Variants in RBM47 observed in about 807,000 individuals in gnomAD.
The protein encoded by RBM47 is RNA-binding protein 47.
In RBM47, 21 loss-of-function variants were observed where a neutral mutation model predicts 47.1. That is an observed-to-expected ratio of 0.45 (90% CI 0.32 to 0.64). The LOEUF is 0.64. Ranked by LOEUF, RBM47 falls within the 30% of genes least tolerant of loss-of-function variation. The pLI is 0.05. For missense variants in RBM47, 708 were observed against 870.9 expected, an observed-to-expected ratio of 0.81 and a Z score of 2.35; for synonymous variants, 375 against 361.7, an observed-to-expected ratio of 1.04 and a Z score of -0.42.
At chr4:40,565,541 G>A (rs1731015379) in intron 1 of RBM47, among the ~76,000 whole-genome samples, 1 of 152,194 alleles carries the variant, frequency 6.6e-6, no homozygotes, top group Non-Finnish European at 1.5e-5. Flanking sequence ...TAGTTTGGCT[G>A]TATGTGTACA....
At chr4:40,557,859 G>A (rs747548435) in intron 1 of RBM47, among the ~76,000 whole-genome samples, 1 of 152,202 alleles carries the variant, frequency 6.6e-6, no homozygotes, top group Non-Finnish European at 1.5e-5. Context: ...TCTGAGTTGT[G>A]AAATTGTTAT....
At position 40,513,358 on chromosome 4, in the gene RBM47, G is replaced by A. The variant is rs541493906; in HGVS notation, c.-155+31064C>T. Among the ~76,000 whole-genome samples the A allele has an allele frequency of 1.6e-4, 25 of 152,250 alleles. No individual in the cohort carries two copies. The East Asian group carries it at 2.3e-3, about 14-fold the overall frequency. On this transcript the variant is annotated intron_variant, in intron 2 of 6. Coordinates refer to ENST00000295971, the MANE Select transcript of RBM47 (RefSeq NM_001098634.2). ...ATCCCACACCCTTGTTATATTGCCC[G>A]TTTTATACTGCAACACTTTTCCCCA...
intron 2 of RBM47, among the ~76,000 whole-genome samples, chr4:40,489,045 T>C (rs1318529576): frequency 6.6e-6 from 1 of 152,192 alleles, no homozygotes; most frequent in Admixed American, 6.5e-5. Context: ...CACAATGCTA[T>C]ATGGACTGCA....
chr4:40,579,894 C>T (rs1431387773), intron 1 of RBM47, among the ~76,000 whole-genome samples: 3 of 151,940 alleles, frequency 2.0e-5, no homozygotes, highest in Non-Finnish European at 4.4e-5. Flanking sequence ...ACCACAGGTG[C>T]ACACTACCAT....
At chr4:40,478,076 C>T (rs531912017) in intron 2 of RBM47, among the ~76,000 whole-genome samples, 18 of 133,460 alleles carry the variant, frequency 1.3e-4, no homozygotes, top group African/African-American at 3.2e-4. Context: ...AGTGCAGTGG[C>T]GCGATCTTGG....
intron 3 of RBM47, among the ~76,000 whole-genome samples, chr4:40,451,470 G>A (rs1020981458): frequency 4.6e-5 from 7 of 152,110 alleles, no homozygotes; most frequent in African/African-American, 1.4e-4. Context: ...TTTAAATTCC[G>A]ACCCCGCTGC....
At chr4:40,590,611 G>A (rs1375462536) in intron 1 of RBM47, among the ~76,000 whole-genome samples, 1 of 152,128 alleles carries the variant, frequency 6.6e-6, no homozygotes, top group Non-Finnish European at 1.5e-5. Flanking sequence ...ATCTTAAAAA[G>A]CAACAGCCCA....
intron 2 of RBM47, among the ~76,000 whole-genome samples, chr4:40,470,584 A>C (rs1451362186): frequency 6.6e-6 from 1 of 152,166 alleles, no homozygotes; most frequent in African/African-American, 2.4e-5. Context: ...AAACACTTGA[A>C]ATTAATACAT....
At chr4:40,593,978 G>A (rs1734522356) in intron 1 of RBM47, among the ~76,000 whole-genome samples, 1 of 152,076 alleles carries the variant, frequency 6.6e-6, no homozygotes, top group African/African-American at 2.4e-5. Flanking sequence ...ATTGAACCCA[G>A]GAGGCAGAGG....
intron 2 of RBM47, among the ~76,000 whole-genome samples, chr4:40,532,669 A>AT (rs373863530): frequency 0.22 from 30,396 of 140,924 alleles, 3,383 homozygotes; most frequent in African/African-American, 0.3. Context: ...ATTTTTTTCC[A>AT]TTTTTTTTTT....
At chr4:40,625,430 G>A (rs1046410556) in intron 1 of RBM47, among the ~76,000 whole-genome samples, 1 of 152,120 alleles carries the variant, frequency 6.6e-6, no homozygotes, top group Non-Finnish European at 1.5e-5. Flanking sequence ...TTAATATGCT[G>A]ACATTTCCTT....
chr4:40,608,845 C>A (rs1361830918), intron 1 of RBM47, among the ~76,000 whole-genome samples: 1 of 152,176 alleles, frequency 6.6e-6, no homozygotes, highest in Non-Finnish European at 1.5e-5. Context: ...AACATGGAAC[C>A]AATGAATGAA....
intron 3 of RBM47, among the ~76,000 whole-genome samples, chr4:40,460,318 C>T (rs953868095): frequency 6.6e-6 from 1 of 151,890 alleles, no homozygotes; most frequent in African/African-American, 2.4e-5. Flanking sequence ...AGGAAATAGG[C>T]ACATAAATGA....
intron 1 of RBM47, among the ~76,000 whole-genome samples, chr4:40,576,929 G>T (rs1732393564): frequency 6.6e-6 from 1 of 152,114 alleles, no homozygotes; most frequent in African/African-American, 2.4e-5. Context: ...CTTTCCCAGG[G>T]TCACAGAGCT....
At position 40,591,244 on chromosome 4, in the gene RBM47, G is replaced by A. The variant is rs537427144; in HGVS notation, c.-240+38152C>T. ...GACAAGGGTCTCCTTGGGGGGTGAT[G>A]AAAATGTGTTGGAAGTAGGTAGAGG... On this transcript the variant is annotated intron_variant, in intron 1 of 6. Transcript: ENST00000295971. Among the ~76,000 whole-genome samples the A allele has an allele frequency of 2.0e-5, 3 of 152,252 alleles. No homozygotes were observed. The South Asian group carries it at 6.2e-4, about 32-fold the overall frequency.
At chr4:40,551,221 C>T (rs758377559) in intron 1 of RBM47, among the ~76,000 whole-genome samples, 12 of 152,126 alleles carry the variant, frequency 7.9e-5, no homozygotes, top group African/African-American at 1.2e-4. Flanking sequence ...GAAGAAAATA[C>T]GGTGGCCACA....
chr4:40,593,161 AT>A (rs35067384), intron 1 of RBM47, among the ~76,000 whole-genome samples: 93 of 142,922 alleles, frequency 6.5e-4, no homozygotes, highest in East Asian at 1.0e-3. Flanking sequence ...CGCCAGGCTA[AT>A]TTTTTTTTTG....
At chr4:40,466,945 A>C (rs1269033834) in intron 2 of RBM47, among the ~76,000 whole-genome samples, 4 of 152,148 alleles carry the variant, frequency 2.6e-5, no homozygotes, top group Admixed American at 2.6e-4. Flanking sequence ...TAATAAGAAA[A>C]TGACTAATTT....
chr4:40,545,289 G>C (rs113482526), intron 1 of RBM47, among the ~76,000 whole-genome samples: 4,481 of 149,032 alleles, frequency 0.03, 145 homozygotes, highest in African/African-American at 0.081. Flanking sequence ...CTGACCTCAT[G>C]ATCTGCCCGC....
Sources: allele counts gnomAD v4.1 joint callset (sites outside exome capture counted in the v4.1 genomes callset), GRCh38; gene constraint gnomAD v4.1.1; transcripts MANE v1.5; gene names NCBI Gene and HGNC (gene_info 2026-07-23, HGNC 2026-07-21).